Variants in PCDHGA3 observed in about 807,000 individuals in gnomAD.
PCDHGA3 encodes the protein protocadherin gamma-A3.
PCDHGA3 carries 40 observed loss-of-function variants against 58.5 expected under a neutral mutation model. That is an observed-to-expected ratio of 0.68 (90% CI 0.53 to 0.89). The LOEUF (loss-of-function observed/expected upper bound fraction) is 0.89, where lower values mean the gene tolerates loss of function less well. Among genes scored for constraint, PCDHGA3 ranks in the 40% least tolerant of loss-of-function variants. The pLI is 0.00. For missense variants in PCDHGA3, 1,223 were observed against 1,195.9 expected, an observed-to-expected ratio of 1.02 and a Z score of -0.33; for synonymous variants, 530 against 525.7, an observed-to-expected ratio of 1.01 and a Z score of -0.11.
rs189767695 is a variant in PCDHGA3, at chr5:141,497,247, T to C, written c.2483+2382T>C. Among the ~76,000 whole-genome samples the C allele has an allele frequency of 2.0e-5, 3 of 151,456 alleles. No individual in the cohort carries two copies. The East Asian group carries it at 5.8e-4, about 29-fold the overall frequency. ...ATCAGAGAAGGCTTCTAGGAGGAGGTGACATTGAGAAGTTCTAGGCCATTT... is the reference window on the plus strand; with the variant it reads ...ATCAGAGAAGGCTTCTAGGAGGAGGCGACATTGAGAAGTTCTAGGCCATTT... On this transcript the variant is annotated intron_variant, in intron 2 of 3. Transcript: ENST00000253812.
rs753202774 is a variant in PCDHGA3, at chr5:141,487,875, C to A, written c.2425-6932C>A. 33 of 828,628 alleles carry A rather than the reference C, an allele frequency of 4.0e-5. No individual in the cohort carries two copies. Among genetic ancestry groups the A allele is most frequent in the Non-Finnish European group, 5.8e-5 (31 of 536,030 alleles). The allele number at this position is 828,628 out of a possible 1,614,324, so 51.3% of individuals were successfully genotyped here. A position where few individuals can be genotyped will look rare whatever the true frequency, so the allele number is the denominator to read the frequency against. The stretch of plus-strand genomic sequence containing the variant: ...AAGTAATTGGTGATCAAGAGCCAGG[C>A]TGTTGTGGAAGCATGATGATGGAAT... On this transcript the variant is annotated intron_variant, in intron 1 of 3. Coordinates refer to ENST00000253812, the MANE Select transcript of PCDHGA3 (RefSeq NM_018916.4). The surrounding 1 kb of genome is among the most constrained non-coding windows in gnomAD (Gnocchi z 5.0).
chr5:141,418,433 C>A (rs761824602), intron 1 of PCDHGA3: 6 of 1,613,820 alleles, frequency 3.7e-6, no homozygotes, highest in South Asian at 3.3e-5. Flanking sequence ...TGGCAAATAT[C>A]CAGAATTAGT....
At chr5:141,429,500 A>C (rs1050435175) in intron 1 of PCDHGA3, among the ~76,000 whole-genome samples, 1 of 152,148 alleles carries the variant, frequency 6.6e-6, no homozygotes, top group Non-Finnish European at 1.5e-5. Flanking sequence ...CAGTTGCCTG[A>C]AACTGTGCCT....
In PCDHGA3 at chr5:141,375,693, G is replaced by C. The variant is rs112671050; in HGVS notation, c.2424+29236G>C. 1,209 of 1,614,256 alleles carry C rather than the reference G, an allele frequency of 7.5e-4. 14 individuals carry two copies. In the African/African-American group the frequency reaches 0.015, roughly 20 times the overall value. On this transcript the variant is annotated intron_variant, in intron 1 of 3. Coordinates refer to ENST00000253812, the MANE Select transcript of PCDHGA3 (RefSeq NM_018916.4). ...CAGCTGTGGGTGACAGCCAGCGACA[G>C]CGGGGACCCGCCTCTTAGCAGCAAC... is the stretch of plus-strand genomic sequence containing the variant.
intron 3 of PCDHGA3, among the ~76,000 whole-genome samples, chr5:141,506,435 G>C (rs1470687416): frequency 7.9e-6 from 1 of 126,278 alleles, no homozygotes; most frequent in East Asian, 2.1e-4. Flanking sequence ...CAACAGTCTC[G>C]CTCTGTCTCA....
intron 1 of PCDHGA3, chr5:141,356,285 C>A (rs1405876688): frequency 3.9e-6 from 6 of 1,556,488 alleles, no homozygotes; most frequent in African/African-American, 1.4e-5. Flanking sequence ...TCTTCTTCCC[C>A]GGGTACAGTA....
At chr5:141,370,996 A>G (rs1767388382) in intron 1 of PCDHGA3, 2 of 1,613,886 alleles carry the variant, frequency 1.2e-6, no homozygotes, top group African/African-American at 2.7e-5. Flanking sequence ...GCACCCCTGG[A>G]CAGGGAAGAG....
chr5:141,399,349 C>A (rs1467940246), intron 1 of PCDHGA3: 15 of 1,613,814 alleles, frequency 9.3e-6, no homozygotes, highest in African/African-American at 1.3e-5. Flanking sequence ...AACCCTAGAC[C>A]GAGAGCAAAC....
intron 2 of PCDHGA3, among the ~76,000 whole-genome samples, chr5:141,496,557 C>T (rs190275684): frequency 2.0e-5 from 3 of 152,258 alleles, no homozygotes; most frequent in Admixed American, 1.3e-4. Flanking sequence ...TGGGCATGCA[C>T]AGTCCTGTCA....
chr5:141,355,089 C>G (rs1381580612), intron 1 of PCDHGA3: 1 of 1,474,082 alleles, frequency 6.8e-7, no homozygotes, highest in East Asian at 2.3e-5. Context: ...AGCGGAAGCC[C>G]TGAGAGCTCT....
At chr5:141,420,521 C>A in intron 1 of PCDHGA3, 1 of 378,418 alleles carries the variant, frequency 2.6e-6, no homozygotes, top group Non-Finnish European at 4.4e-6. Context: ...AGTAAAATAC[C>A]TTTCGGTTAA....
chr5:141,472,980 CAA>C (rs60579131), intron 1 of PCDHGA3, among the ~76,000 whole-genome samples: 879 of 86,072 alleles, frequency 0.01, 5 homozygotes, highest in African/African-American at 0.015. Context: ...GAGTGAAACT[CAA>C]AAAAAAAAAA....
intron 1 of PCDHGA3, chr5:141,415,888 T>C: frequency 1.1e-6 from 1 of 940,220 alleles, no homozygotes; most frequent in South Asian, 2.9e-5. Flanking sequence ...ATATTGACAA[T>C]TCCTAAGACA....
Position 141,429,458 on chromosome 5 carries a change from T to C in PCDHGA3, c.2425-65349T>C, listed in dbSNP as rs561407449. 1.6e-4 allele frequency among the ~76,000 whole-genome samples: 25 copies of C among 152,210 alleles called. 1 individual carries two copies. The South Asian group carries it at 4.6e-3, about 28-fold the overall frequency. ...TCAAACTCTTGGGCTACAGTAATCC[T>C]CCCACCTCAATCTCCAGAGTAGCTG... On this transcript the variant is annotated intron_variant, in intron 1 of 3. Transcript: ENST00000253812.
intron 1 of PCDHGA3, among the ~76,000 whole-genome samples, chr5:141,464,444 T>C (rs2099084887): frequency 6.6e-6 from 1 of 151,634 alleles, no homozygotes; most frequent in East Asian, 1.9e-4. Context: ...TGTTTGTTGT[T>C]GTTGTTGTTA....
chr5:141,384,898 A>G (rs982769749), intron 1 of PCDHGA3: 168 of 1,613,752 alleles, frequency 1.0e-4, no homozygotes, highest in Non-Finnish European at 1.3e-4. Flanking sequence ...TGTGGCTGAC[A>G]GCATCCCCGA....
intron 1 of PCDHGA3, chr5:141,410,146 C>T (rs2095361527): frequency 2.5e-6 from 4 of 1,612,390 alleles, no homozygotes; most frequent in Non-Finnish European, 2.5e-6. Context: ...CTGTGCGTGA[C>T]GGTGGACAGC....
rs1042973261 is a variant in PCDHGA3 at position 141,491,547 on chromosome 5, G to T, written c.2425-3260G>T. ...AGGTGACGCTGCGGCCCACAGACTC[G>T]CAGAGCCACTGCTACAGGACGTGCT... On this transcript the variant is annotated intron_variant, in intron 1 of 3. Transcript: ENST00000253812. The surrounding 1 kb of genome is among the most constrained non-coding windows in gnomAD (Gnocchi z 6.9). 6.8e-6 allele frequency: 11 copies of T among 1,613,856 alleles called. No homozygotes were observed. Among genetic ancestry groups the T allele is most frequent in the Middle Eastern group, 1.6e-4 (1 of 6,084 alleles).
rs746311453 is a variant in PCDHGA3 at position 141,428,229 on chromosome 5, C to T, written c.2425-66578C>T. On this transcript the variant is annotated intron_variant, in intron 1 of 3. Coordinates refer to ENST00000253812, the MANE Select transcript of PCDHGA3 (RefSeq NM_018916.4). ...CGCTTCACCTAGTCTTCGCAGACAGCCTGCAGGAGGCACTGCCAGACTTCA... is the reference window on the plus strand; with the variant it reads ...CGCTTCACCTAGTCTTCGCAGACAGTCTGCAGGAGGCACTGCCAGACTTCA... 3 of 1,098,554 alleles carry T rather than the reference C, an allele frequency of 2.7e-6. No homozygotes were observed. In the South Asian group the frequency reaches 3.9e-5, roughly 14 times the overall value. The allele number at this position is 1,098,554 out of a possible 1,614,324, so 68.1% of individuals were successfully genotyped here.
Sources: gnomAD v4.1 joint callset for allele counts (sites outside exome capture counted in the v4.1 genomes callset) on GRCh38, gnomAD v4.1.1 for gene constraint, Gnocchi (gnomAD v3.1) non-coding constraint, MANE v1.5 for transcripts, NCBI Gene and HGNC (gene_info 2026-07-23, HGNC 2026-07-21) for gene names.